RIPOR2: variants seen among roughly 807,000 people sequenced by gnomAD.
RIPOR2 encodes RHO family interacting cell polarization regulator 2, also known as rho family-interacting cell polarization regulator 2.
In RIPOR2, 39 loss-of-function variants were observed where a neutral mutation model predicts 114.5. That is an observed-to-expected ratio of 0.34 (90% CI 0.26 to 0.44). RIPOR2 has a LOEUF of 0.44. Ranked by LOEUF, RIPOR2 falls within the 20% of genes least tolerant of loss-of-function variation. The pLI, the probability that RIPOR2 is intolerant of heterozygous loss-of-function variation, is 1.00. For synonymous variants in RIPOR2, 445 were observed against 484.4 expected (o/e 0.92, Z 1.07); for missense variants, 1,007 against 1,255.1 (o/e 0.80, Z 2.99).
In RIPOR2 at chr6:25,041,414, C is replaced by T. The variant is rs1777458481; in HGVS notation, c.76+437G>A. On this transcript the variant is annotated intron_variant, in intron 1 of 13. Transcript: ENST00000510784. The stretch of plus-strand genomic sequence containing the variant: ...ATTGGGCCCTTTAAAGGAAATATGA[C>T]TCACTGATCCTTGAATTTCACCTCA... Among the ~76,000 whole-genome samples, 4 of 152,234 alleles carry T rather than the reference C, an allele frequency of 2.6e-5. No individual in the cohort carries two copies. In the South Asian group the frequency reaches 8.3e-4, roughly 31 times the overall value.
At chr6:25,019,387 AG>A (rs146754457) in intron 1 of RIPOR2, among the ~76,000 whole-genome samples, 7,647 of 152,304 alleles carry the variant, frequency 0.05, 426 homozygotes, top group African/African-American at 0.14. Context: ...TTTATACTCT[AG>A]GATCAAACAT....
chr6:25,034,092 T>TATA (rs1561857542), intron 1 of RIPOR2, among the ~76,000 whole-genome samples: 1 of 149,518 alleles, frequency 6.7e-6, no homozygotes, highest in South Asian at 2.1e-4. Context: ...CAAAAAGGTT[T>TATA]TATATATATA....
intron 1 of RIPOR2, among the ~76,000 whole-genome samples, chr6:25,008,353 C>T (rs545044576): frequency 6.6e-6 from 1 of 152,326 alleles, no homozygotes; most frequent in Non-Finnish European, 1.5e-5. Flanking sequence ...GGCCCTGGAT[C>T]ATGCAGGAGG....
In RIPOR2 at chr6:24,897,511, C is replaced by T. The variant is rs147260173; in HGVS notation, c.62-21694G>A. ...TACACTGTGTGCCACAATTAATATT[C>T]GCAGCAGGAAATGGCAAGTATCAAA... On this transcript the variant is annotated intron_variant, in intron 1 of 21. Transcript: ENST00000643898. Among the ~76,000 whole-genome samples the T allele has an allele frequency of 2.2e-4, 33 of 152,294 alleles. No individual in the cohort carries two copies. In the East Asian group the frequency reaches 6.0e-3, roughly 28 times the overall value.
chr6:25,005,487 C>T (rs144529401), intron 1 of RIPOR2, among the ~76,000 whole-genome samples: 216 of 151,428 alleles, frequency 1.4e-3, no homozygotes, highest in African/African-American at 4.8e-3. Flanking sequence ...CCTAAATAGC[C>T]GGTATTTATA....
At chr6:24,950,821 G>C (rs908494572) in intron 1 of RIPOR2, among the ~76,000 whole-genome samples, 1 of 152,194 alleles carries the variant, frequency 6.6e-6, no homozygotes, top group African/African-American at 2.4e-5. Context: ...GGTGCATAGG[G>C]TTTGCTGCTT....
intron 1 of RIPOR2, among the ~76,000 whole-genome samples, chr6:24,886,539 C>T (rs1766852251): frequency 6.6e-6 from 1 of 152,188 alleles, no homozygotes; most frequent in Admixed American, 6.5e-5. Context: ...TTGGCTTTGA[C>T]ATTGACATTT....
chr6:25,026,239 A>G (rs1341657225), intron 1 of RIPOR2, among the ~76,000 whole-genome samples: 2 of 152,084 alleles, frequency 1.3e-5, no homozygotes, highest in African/African-American at 2.4e-5. Context: ...AGAGAGGAAA[A>G]TTGCTTCTCT....
chr6:24,853,881 C>G (rs919067013), intron 8 of RIPOR2, among the ~76,000 whole-genome samples: 8 of 151,894 alleles, frequency 5.3e-5, no homozygotes, highest in Admixed American at 1.3e-4. Flanking sequence ...TTTGGGAGGC[C>G]AAGGCAGGAG....
rs765768065 is a variant in RIPOR2 at position 24,883,325 on chromosome 6, A to G, written c.62-7508T>C. ...GTTGTCACACTTACAAAGCTATGCC[A>G]TCTCCATAAGCTAGACTGAGACCAA... On this transcript the variant is annotated intron_variant, in intron 1 of 21. Coordinates refer to ENST00000643898, the MANE Select transcript of RIPOR2 (RefSeq NM_001286445.3). This position sits in a 1 kb window ranked among gnomAD's most constrained non-coding sequence, Gnocchi z 4.1. Among the ~76,000 whole-genome samples the G allele has an allele frequency of 1.3e-5, 2 of 152,324 alleles. No individual in the cohort carries two copies. Among genetic ancestry groups the G allele is most frequent in the African/African-American group, 4.8e-5 (2 of 41,572 alleles).
intron 1 of RIPOR2, among the ~76,000 whole-genome samples, chr6:25,010,771 G>A (rs10946741): frequency 0.51 from 77,011 of 151,896 alleles, 20,180 homozygotes; most frequent in Non-Finnish European, 0.56. Flanking sequence ...TTTTTTTAGT[G>A]CTTGCTAGGT....
intron 1 of RIPOR2, among the ~76,000 whole-genome samples, chr6:24,878,183 G>A (rs1765987898): frequency 6.6e-6 from 1 of 152,156 alleles, no homozygotes; most frequent in Admixed American, 6.5e-5. Context: ...AGAAACTTGG[G>A]GTTCACTATA....
chr6:24,861,325 A>C (rs537674728), intron 7 of RIPOR2, among the ~76,000 whole-genome samples: 2 of 152,370 alleles, frequency 1.3e-5, no homozygotes, highest in South Asian at 4.1e-4. Context: ...TGAATTCTAC[A>C]AAAAGGCAGT....
chr6:24,953,677 C>T (rs187921706), intron 1 of RIPOR2, among the ~76,000 whole-genome samples: 126 of 152,308 alleles, frequency 8.3e-4, no homozygotes, highest in African/African-American at 2.8e-3. Flanking sequence ...AAGTACCTTC[C>T]CTATACCTGG....
At chr6:24,819,540 A>G (rs1320219305) in intron 19 of RIPOR2, among the ~76,000 whole-genome samples, 1 of 151,702 alleles carries the variant, frequency 6.6e-6, no homozygotes, top group Non-Finnish European at 1.5e-5. Context: ...TTGAGACAGA[A>G]TCTCGCTCTG....
chr6:25,002,207 T>G (rs540773787), intron 1 of RIPOR2, among the ~76,000 whole-genome samples: 101 of 152,338 alleles, frequency 6.6e-4, no homozygotes, highest in Admixed American at 2.5e-3. Context: ...GAGCATTCAG[T>G]AAATGGCATT....
intron 1 of RIPOR2, among the ~76,000 whole-genome samples, chr6:24,941,241 C>T (rs1210301302): frequency 6.6e-6 from 1 of 152,070 alleles, no homozygotes; most frequent in Non-Finnish European, 1.5e-5. Flanking sequence ...CCATTCCTTC[C>T]ACTTACGAAA....
intron 19 of RIPOR2, among the ~76,000 whole-genome samples, chr6:24,822,600 C>T (rs1207975463): frequency 6.6e-6 from 1 of 152,156 alleles, no homozygotes; most frequent in Non-Finnish European, 1.5e-5. Flanking sequence ...GTCACTGCAA[C>T]CTTCGCCTCC....
intron 1 of RIPOR2, among the ~76,000 whole-genome samples, chr6:25,031,556 G>GATAT (rs3056856): frequency 0.012 from 1,762 of 143,042 alleles, 25 homozygotes; most frequent in East Asian, 0.038. Flanking sequence ...AAGATTGACT[G>GATAT]ATATATATAT....
Sources: gnomAD v4.1 joint callset for allele counts (sites outside exome capture counted in the v4.1 genomes callset) on GRCh38, gnomAD v4.1.1 for gene constraint, Gnocchi (gnomAD v3.1) non-coding constraint, MANE v1.5 for transcripts, NCBI Gene and HGNC (gene_info 2026-07-23, HGNC 2026-07-21) for gene names.